Variants in GALNT13 observed in about 807,000 individuals in gnomAD.
GALNT13 encodes the protein UDP-GalNAc:polypeptide N-acetylgalactosaminyltransferase 13.
In GALNT13, 28 loss-of-function variants were observed where a neutral mutation model predicts 64.2. That is an observed-to-expected ratio of 0.44 (90% CI 0.32 to 0.60). The LOEUF is 0.60. GALNT13 is among the 20% of genes least tolerant of loss of function. GALNT13 has a pLI of 0.05. For missense variants in GALNT13, 577 were observed against 669.8 expected (o/e 0.86, Z 1.53); for synonymous variants, 214 against 224.6 (o/e 0.95, Z 0.42).
At chr2:154,320,051 CTT>C (rs1694540296) in intron 9 of GALNT13, among the ~76,000 whole-genome samples, 2 of 151,856 alleles carry the variant, frequency 1.3e-5, no homozygotes, top group Admixed American at 1.3e-4. Flanking sequence ...TTTTGAGTAA[CTT>C]ATGTAATAAC....
the GALNT13 span, among the ~76,000 whole-genome samples, chr2:153,220,957 G>A: frequency 3.9e-5 from 6 of 152,188 alleles, no homozygotes; most frequent in Non-Finnish European, 7.4e-5. Flanking sequence ...ACACATAGAG[G>A]GAAACATCAC....
At chr2:153,478,400 C>A in the GALNT13 span, 6 of 1,614,190 alleles carry the variant, frequency 3.7e-6, no homozygotes, top group Non-Finnish European at 5.1e-6. Context: ...ATCTGCACCA[C>A]GCGCATTATG....
intron 9 of GALNT13, among the ~76,000 whole-genome samples, chr2:154,393,381 A>T (rs1288813969): frequency 1.3e-5 from 2 of 152,206 alleles, no homozygotes; most frequent in Non-Finnish European, 2.9e-5. Flanking sequence ...CAGAAGTGAC[A>T]TAACCCCTTT....
At chr2:153,234,365 T>A in the GALNT13 span, among the ~76,000 whole-genome samples, 2 of 152,054 alleles carry the variant, frequency 1.3e-5, no homozygotes, top group African/African-American at 4.8e-5. Flanking sequence ...CAGAGTTGAA[T>A]TTAGGATTTA....
chr2:154,429,413 T>A (rs1348053847), intron 11 of GALNT13, among the ~76,000 whole-genome samples: 1 of 152,160 alleles, frequency 6.6e-6, no homozygotes, highest in South Asian at 2.1e-4. Flanking sequence ...GAATAGAAGA[T>A]CAAACAAGCT....
At position 154,128,922 on chromosome 2, in the gene GALNT13, T is replaced by C. The variant is rs554598558; in HGVS notation, c.143-11415T>C. 8.3e-4 allele frequency among the ~76,000 whole-genome samples: 127 copies of C among 152,286 alleles called. 3 individuals carry two copies. The highest frequency in any genetic ancestry group is 6.2e-3 in the South Asian group (30 of 4,828). On this transcript the variant is annotated intron_variant, in intron 3 of 12. Transcript: ENST00000392825. ...ATTATTTGACAGCTAAATTGAATAA[T>C]TGATATAATTTCATATTTCTGAATT...
chr2:153,312,697 C>T, the GALNT13 span, among the ~76,000 whole-genome samples: 1 of 152,180 alleles, frequency 6.6e-6, no homozygotes, highest in Non-Finnish European at 1.5e-5. Context: ...TGTTTTTATA[C>T]ATTAACAGTA....
At chr2:153,637,330 T>C in the GALNT13 span, among the ~76,000 whole-genome samples, 1 of 152,186 alleles carries the variant, frequency 6.6e-6, no homozygotes, top group Non-Finnish European at 1.5e-5. Context: ...ACATGATCTT[T>C]AATTAACTAA....
intron 3 of GALNT13, among the ~76,000 whole-genome samples, chr2:154,019,995 T>A (rs1697329200): frequency 6.6e-6 from 1 of 152,156 alleles, no homozygotes; most frequent in Non-Finnish European, 1.5e-5. Context: ...AATGATGGTT[T>A]CCATTTTCAT....
the GALNT13 span, among the ~76,000 whole-genome samples, chr2:153,504,654 G>A: frequency 6.6e-6 from 1 of 152,126 alleles, no homozygotes; most frequent in Admixed American, 6.5e-5. Context: ...TATGATTTTT[G>A]TTTTTAATTC....
intron 3 of GALNT13, among the ~76,000 whole-genome samples, chr2:154,122,342 C>T (rs1031408853): frequency 2.6e-5 from 4 of 151,606 alleles, no homozygotes; most frequent in African/African-American, 7.3e-5. Flanking sequence ...ACCATTTTGT[C>T]AAGGATTTCT....
At chr2:153,174,687 A>G in the GALNT13 span, among the ~76,000 whole-genome samples, 1 of 152,168 alleles carries the variant, frequency 6.6e-6, no homozygotes, top group Non-Finnish European at 1.5e-5. Context: ...TCTATTTTCT[A>G]CCCAACAAAA....
chr2:153,456,729 A>T, the GALNT13 span, among the ~76,000 whole-genome samples: 1 of 152,188 alleles, frequency 6.6e-6, no homozygotes, highest in Non-Finnish European at 1.5e-5. Context: ...GAAAAATCTT[A>T]AGTTTAGAGA....
intron 4 of GALNT13, among the ~76,000 whole-genome samples, chr2:154,182,485 T>C (rs950339464): frequency 6.6e-6 from 1 of 151,944 alleles, no homozygotes; most frequent in African/African-American, 2.4e-5. Context: ...GGATCTTTCT[T>C]TCCCCCTATC....
chr2:153,330,568 G>C, the GALNT13 span, among the ~76,000 whole-genome samples: 1 of 151,594 alleles, frequency 6.6e-6, no homozygotes, highest in Admixed American at 6.6e-5. Flanking sequence ...CTCTAAGCTT[G>C]AACATTATTA....
chr2:153,118,147 C>CACACACACACACACACACACACACA, the GALNT13 span, among the ~76,000 whole-genome samples: 7 of 140,168 alleles, frequency 5.0e-5, no homozygotes, highest in African/African-American at 1.4e-4. Context: ...ACACACACAC[C>CACACACACACACACACACACACACA]CCACATAAAC....
the GALNT13 span, among the ~76,000 whole-genome samples, chr2:153,511,967 G>A: frequency 6.6e-6 from 1 of 152,158 alleles, no homozygotes; most frequent in African/African-American, 2.4e-5. Context: ...GAAAGTTCTT[G>A]AAAGGAAGAT....
the GALNT13 span, among the ~76,000 whole-genome samples, chr2:153,757,365 C>A: frequency 2.0e-5 from 3 of 152,118 alleles, no homozygotes; most frequent in Admixed American, 6.6e-5. Context: ...TTTGTAAAGG[C>A]TGAATAGAAT....
intron 3 of GALNT13, among the ~76,000 whole-genome samples, chr2:153,977,417 C>A (rs1170144897): frequency 6.6e-6 from 1 of 152,086 alleles, no homozygotes; most frequent in Non-Finnish European, 1.5e-5. Context: ...GCAAACACAT[C>A]CTTCTTCACA....
Sources: allele counts gnomAD v4.1 joint callset (sites outside exome capture counted in the v4.1 genomes callset), GRCh38; gene constraint gnomAD v4.1.1; transcripts MANE v1.5; gene names NCBI Gene and HGNC (gene_info 2026-07-23, HGNC 2026-07-21).